NUBPL: variants seen among roughly 807,000 people sequenced by gnomAD.
NUBPL encodes NUBP iron-sulfur cluster assembly factor, mitochondrial.
In NUBPL, 31 loss-of-function variants were observed where a neutral mutation model predicts 45.7. The ratio of observed to expected loss-of-function variants is 0.68; its 90% CI spans 0.51 to 0.92. NUBPL has a LOEUF of 0.92. NUBPL is among the 40% of genes least tolerant of loss of function. The probability of loss-of-function intolerance (pLI) is 0.00; values close to 1 mark genes in which losing one functional copy is unlikely to be tolerated. For missense variants in NUBPL, 401 were observed against 398.7 expected (o/e 1.01, Z -0.05); for synonymous variants, 144 against 140.9 (o/e 1.02, Z -0.15).
chr14:31,701,785 G>A lies in NUBPL; in HGVS notation c.513+28211G>A, dbSNP rs146278901. On this transcript the variant is annotated intron_variant, in intron 6 of 10. Coordinates refer to ENST00000281081, the MANE Select transcript of NUBPL (RefSeq NM_025152.3). The stretch of plus-strand genomic sequence containing the variant: ...CTTTAAGAACTTTAACACTCACTGC[G>A]AGGGTCCGCGGCTTCATTCTTGAAG... Among the ~76,000 whole-genome samples the A allele has an allele frequency of 3.5e-3, 528 of 152,270 alleles. 8 individuals are homozygous for A. Among genetic ancestry groups the A allele is most frequent in the East Asian group, 0.032 (168 of 5,176 alleles).
At chr14:31,754,903 G>A (rs2038621689) in intron 6 of NUBPL, among the ~76,000 whole-genome samples, 1 of 126,902 alleles carries the variant, frequency 7.9e-6, no homozygotes, top group South Asian at 2.6e-4. Flanking sequence ...CTGTGTCCAT[G>A]CGTTCTCATT....
At chr14:31,707,034 G>C (rs886074816) in intron 6 of NUBPL, among the ~76,000 whole-genome samples, 4 of 152,216 alleles carry the variant, frequency 2.6e-5, no homozygotes, top group Non-Finnish European at 5.9e-5. Context: ...TTCTATAAGA[G>C]TTTCATTTTC....
chr14:31,579,037 C>T (rs1035206606), intron 3 of NUBPL, among the ~76,000 whole-genome samples: 1 of 152,170 alleles, frequency 6.6e-6, no homozygotes, highest in Non-Finnish European at 1.5e-5. Flanking sequence ...TGAAGGAAGT[C>T]TAGGTTCCCT....
chr14:31,606,103 T>TC (rs202023917), intron 4 of NUBPL, among the ~76,000 whole-genome samples: 1,868 of 146,132 alleles, frequency 0.013, 15 homozygotes, highest in Middle Eastern at 0.022. Context: ...TCTTTTCTTT[T>TC]TTTTTTTTTT....
chr14:31,789,903 TC>T (rs967739430), intron 7 of NUBPL, among the ~76,000 whole-genome samples: 4 of 151,602 alleles, frequency 2.6e-5, no homozygotes, highest in South Asian at 4.2e-4. Context: ...CTGTGATTTT[TC>T]TTTTTTTTTT....
At chr14:31,691,974 G>A (rs911339760) in intron 6 of NUBPL, among the ~76,000 whole-genome samples, 3 of 152,106 alleles carry the variant, frequency 2.0e-5, no homozygotes, top group African/African-American at 7.2e-5. Flanking sequence ...GGATAAATAT[G>A]GTGTATGTTC....
rs187464864 is a variant in NUBPL at position 31,710,297 on chromosome 14, A to G, written c.513+36723A>G. On this transcript the variant is annotated intron_variant, in intron 6 of 10. Coordinates refer to ENST00000281081, the MANE Select transcript of NUBPL (RefSeq NM_025152.3). Reference sequence around the variant, plus strand: ...TTCTCCCCCTGCCCAAGAACCTGCAATGGTCCCTGGACCCTGCTGATTGGA... The same window carrying G: ...TTCTCCCCCTGCCCAAGAACCTGCAGTGGTCCCTGGACCCTGCTGATTGGA... Among the ~76,000 whole-genome samples, 281 of 152,242 alleles carry G rather than the reference A, an allele frequency of 1.8e-3. 3 individuals are homozygous for G. Among genetic ancestry groups the G allele is most frequent in the Middle Eastern group, 6.8e-3 (2 of 294 alleles).
intron 4 of NUBPL, among the ~76,000 whole-genome samples, chr14:31,636,280 A>G (rs201388541): frequency 1.3e-5 from 2 of 151,838 alleles, no homozygotes; most frequent in African/African-American, 4.8e-5. Context: ...TACCTAATTT[A>G]TTGAGAGTTT....
At chr14:31,810,882 A>T (rs1350150549) in intron 7 of NUBPL, among the ~76,000 whole-genome samples, 1 of 152,198 alleles carries the variant, frequency 6.6e-6, no homozygotes, top group South Asian at 2.1e-4. Flanking sequence ...TATGAAGCTT[A>T]GTTTGGCTGG....
intron 6 of NUBPL, among the ~76,000 whole-genome samples, chr14:31,724,220 C>A (rs1163056520): frequency 6.6e-6 from 1 of 152,044 alleles, no homozygotes. Flanking sequence ...TAAGAGAAAC[C>A]AACAGCCTGA....
At chr14:31,841,643 T>C (rs2040370528) in intron 8 of NUBPL, among the ~76,000 whole-genome samples, 2 of 152,172 alleles carry the variant, frequency 1.3e-5, no homozygotes, top group Admixed American at 1.3e-4. Flanking sequence ...TCCAATTTAA[T>C]TTAAATAATT....
At chr14:31,793,350 A>G (rs972334116) in intron 7 of NUBPL, among the ~76,000 whole-genome samples, 1 of 152,116 alleles carries the variant, frequency 6.6e-6, no homozygotes, top group Non-Finnish European at 1.5e-5. Flanking sequence ...TAATCTTTAA[A>G]AGCTATTTAG....
At chr14:31,693,815 A>C (rs1444404829) in intron 6 of NUBPL, among the ~76,000 whole-genome samples, 24 of 149,254 alleles carry the variant, frequency 1.6e-4, no homozygotes, top group Non-Finnish European at 2.8e-4. Context: ...AAAAAAAAAA[A>C]AAAAAAAACC....
intron 6 of NUBPL, among the ~76,000 whole-genome samples, chr14:31,747,429 A>G (rs2038426031): frequency 1.3e-5 from 2 of 152,058 alleles, no homozygotes; most frequent in Non-Finnish European, 2.9e-5. Context: ...GAGCCACCGC[A>G]TCCGGCCTGT....
intron 6 of NUBPL, among the ~76,000 whole-genome samples, chr14:31,731,260 A>T (rs948198329): frequency 2.0e-5 from 3 of 152,206 alleles, no homozygotes; most frequent in African/African-American, 7.2e-5. Context: ...TCACAATGCA[A>T]TGTGGAACGA....
chr14:31,810,525 T>C (rs755738124), intron 7 of NUBPL, among the ~76,000 whole-genome samples: 6 of 152,208 alleles, frequency 3.9e-5, no homozygotes, highest in Non-Finnish European at 7.3e-5. Context: ...GCATGTGAGA[T>C]GGGTCTCCTG....
At chr14:31,772,773 T>C (rs1174403564) in intron 6 of NUBPL, among the ~76,000 whole-genome samples, 1 of 151,932 alleles carries the variant, frequency 6.6e-6, no homozygotes, top group African/African-American at 2.4e-5. Context: ...AGAAAAGGAG[T>C]AAGTTTCTTC....
chr14:31,686,372 A>G (rs952630411), intron 6 of NUBPL, among the ~76,000 whole-genome samples: 6 of 152,214 alleles, frequency 3.9e-5, no homozygotes, highest in Non-Finnish European at 8.8e-5. Context: ...AAACACCTGG[A>G]ATGAGGAAGA....
intron 8 of NUBPL, chr14:31,844,513 T>A (rs937831112): frequency 2.0e-5 from 3 of 152,244 alleles, no homozygotes; most frequent in Non-Finnish European, 4.4e-5. Flanking sequence ...ATAGTGTGCA[T>A]CAGCAAAAGG....
Sources: allele counts gnomAD v4.1 joint callset (sites outside exome capture counted in the v4.1 genomes callset), GRCh38; gene constraint gnomAD v4.1.1; transcripts MANE v1.5; gene names NCBI Gene and HGNC (gene_info 2026-07-23, HGNC 2026-07-21).